The following POTEE variants were observed in gnomAD, a reference collection of about 807,000 sequenced individuals.
POTEE encodes the protein POTE ankyrin domain family member E.
In POTEE, 21 loss-of-function variants were observed where a neutral mutation model predicts 74.2. The observed-to-expected ratio is 0.28, with a 90% CI of 0.20 to 0.41. The LOEUF is 0.41. POTEE is among the 10% of genes least tolerant of loss of function. POTEE has a pLI of 1.00. For synonymous variants in POTEE, 211 were observed against 432.8 expected (o/e 0.49, Z 6.36); for missense variants, 525 against 1,158.6 (o/e 0.45, Z 7.94).
rs541531807 is a variant in POTEE, at chr2:131,209,682, C to T, written c.-482C>T. Among the ~76,000 whole-genome samples, 8 of 152,138 alleles carry T rather than the reference C, an allele frequency of 5.3e-5. No individual in the cohort carries two copies. Among genetic ancestry groups the T allele is most frequent in the Non-Finnish European group, 1.0e-4 (7 of 68,052 alleles). The stretch of plus-strand genomic sequence containing the variant: ...AGTAGCGGGAGCTTCTCCTGCCAGG[C>T]AGGAAGACGAGTAGAAGGGAGCAGC... On this transcript the variant is annotated 5_prime_UTR_variant, in exon 1 of 18. Transcript: ENST00000683005.
In POTEE at chr2:131,248,928, C is replaced by G. The variant is rs1573731689; in HGVS notation, c.1481-1850C>G. Among the ~76,000 whole-genome samples, 5 of 152,392 alleles carry G rather than the reference C, an allele frequency of 3.3e-5. No homozygotes were observed. In the Middle Eastern group the frequency reaches 0.014, roughly 415 times the overall value. Reference sequence around the variant, plus strand: ...CAAAATGTGCTTTGTGTTTTTCCCTCTTGCCGCCTGCAGCCAATCAGAATC... The same window carrying G: ...CAAAATGTGCTTTGTGTTTTTCCCTGTTGCCGCCTGCAGCCAATCAGAATC... On this transcript the variant is annotated intron_variant, in intron 13 of 17. Transcript: ENST00000683005.
At chr2:131,233,762 C>T (rs61525070) in intron 9 of POTEE, among the ~76,000 whole-genome samples, 3 of 146,992 alleles carry the variant, frequency 2.0e-5, no homozygotes, top group African/African-American at 8.1e-5. Flanking sequence ...GGCAGAAGAG[C>T]GGTATCGTCA....
chr2:131,228,541 A>T (rs1216213712), intron 8 of POTEE, among the ~76,000 whole-genome samples, 160 bp downstream of exon 8: 5 of 149,082 alleles, frequency 3.4e-5, no homozygotes, highest in Non-Finnish European at 7.4e-5. Flanking sequence ...TCAGACAAAA[A>T]GCAAGACAAG....
At chr2:131,263,198 CT>C (rs1407061505) in intron 17 of POTEE, among the ~76,000 whole-genome samples, 156 bp from the exon 18 acceptor site, 1 of 149,522 alleles carries the variant, frequency 6.7e-6, no homozygotes, top group Non-Finnish European at 1.5e-5. Context: ...AATTTACACT[CT>C]TATTAGGTTT....
intron 3 of POTEE, chr2:131,217,958 G>A (rs1387960213): frequency 3.8e-6 from 1 of 264,602 alleles, no homozygotes; most frequent in Non-Finnish European, 7.3e-6. Flanking sequence ...TAACGGCTTG[G>A]CTGGCCTGTA....
chr2:131,235,999 G>T (rs1475513773), intron 9 of POTEE, among the ~76,000 whole-genome samples: 3 of 151,952 alleles, frequency 2.0e-5, no homozygotes, highest in Non-Finnish European at 4.4e-5. Flanking sequence ...ATTTAGGTTC[G>T]CAACAGCTCA....
chr2:131,263,651 T>C lies in POTEE; in HGVS notation c.2196T>C (p.Pro732=), dbSNP rs1174660926. 6.3e-7 allele frequency: 1 copy of C among 1,587,300 alleles called. No individual in the cohort carries two copies. The highest frequency in any genetic ancestry group is 2.3e-5 in the East Asian group (1 of 43,694). ...ACGATGCCCCCCGGGCTGTCTTCCC[T>C]TCCATCGTGGGGCGCCCCAGGCAGC... ...AGDDAPRAVF[P]SIVGRPRQQG... The change falls in exon 18 of 18, where the codon CCT becomes CCC. Residue 732 remains proline, a synonymous_variant. Transcript: ENST00000683005.
Position 131,263,841 on chromosome 2 carries a change from G to A in POTEE, c.2386G>A (p.Val796Met), listed in dbSNP as rs1341875258. Residue 796 changes from valine (V) to methionine (M), a missense_variant, in exon 18 of 18, where the codon GTG (valine) becomes ATG (methionine). By Grantham distance (21) the Val-to-Met change is conservative. Transcript: ENST00000683005. ...CCACACCTTCTACAACGAGCTGCGT[G>A]TGGCTCCCGAGGAGCACCCCATCCT... ...WHHTFYNELR[V>M]APEEHPILLT... The A allele has an allele frequency of 1.2e-6, 2 of 1,614,164 alleles. No individual in the cohort carries two copies. The highest frequency in any genetic ancestry group is 1.7e-5 in the Admixed American group (1 of 60,034).
intron 9 of POTEE, among the ~76,000 whole-genome samples, chr2:131,232,739 CT>C (rs1032915530): frequency 1.5e-4 from 23 of 151,590 alleles, no homozygotes; most frequent in African/African-American, 5.6e-4. Context: ...TAGGATCCCA[CT>C]TTTCCCTCTT....
intron 8 of POTEE, chr2:131,229,539 T>C (rs1700883623): frequency 6.6e-6 from 1 of 152,196 alleles, no homozygotes; most frequent in Non-Finnish European, 1.5e-5. Flanking sequence ...TCAAGTAGGT[T>C]AGTTGGACTT....
chr2:131,231,988 T>TC (rs1216772985), intron 9 of POTEE, among the ~76,000 whole-genome samples: 1 of 152,160 alleles, frequency 6.6e-6, no homozygotes, highest in Non-Finnish European at 1.5e-5. Context: ...TAGAGCTGTC[T>TC]CCATTTCATT....
chr2:131,217,120 G>A (rs1309740651), intron 2 of POTEE, among the ~76,000 whole-genome samples: 1 of 147,956 alleles, frequency 6.8e-6, no homozygotes, highest in Non-Finnish European at 1.5e-5. Context: ...AAAATATGTG[G>A]TATGCATAAA....
intron 9 of POTEE, among the ~76,000 whole-genome samples, chr2:131,233,087 G>A (rs539295189): frequency 9.5e-4 from 145 of 152,152 alleles, no homozygotes; most frequent in South Asian, 2.3e-3. Flanking sequence ...AAAGAATAAG[G>A]AATGGCTATT....
Position 131,226,612 on chromosome 2 carries a change from G to T in POTEE, c.811-211G>T, listed in dbSNP as rs538319345. 8.0e-5 allele frequency among the ~76,000 whole-genome samples: 12 copies of T among 150,360 alleles called. No homozygotes were observed. The East Asian group carries it at 2.1e-3, about 27-fold the overall frequency. On this transcript the variant is annotated intron_variant, in intron 6 of 17. Transcript: ENST00000683005. The stretch of plus-strand genomic sequence containing the variant: ...AATGTTTAAAGTGAGTTTTTGAGAT[G>T]ATTAGAGTTACTGTGGTGAGGCAGA...
At chr2:131,255,028 A>G (rs1239472960) in intron 16 of POTEE, among the ~76,000 whole-genome samples, 1 of 151,048 alleles carries the variant, frequency 6.6e-6, no homozygotes, top group African/African-American at 2.4e-5. Context: ...TCTAAATGCC[A>G]TATGTGTATA....
At chr2:131,215,329 C>A (rs182356601) in intron 2 of POTEE, among the ~76,000 whole-genome samples, 24 of 152,102 alleles carry the variant, frequency 1.6e-4, no homozygotes, top group Non-Finnish European at 2.5e-4. Flanking sequence ...ATATACAATG[C>A]AATTAGGATT....
intron 6 of POTEE, among the ~76,000 whole-genome samples, chr2:131,225,691 T>TTG (rs1553475815): frequency 4.7e-5 from 7 of 148,736 alleles, no homozygotes; most frequent in African/African-American, 1.7e-4. Context: ...CCTCAGTTTT[T>TTG]TTTTTTTTTT....
At chr2:131,215,307 G>T (rs1700424955) in intron 2 of POTEE, among the ~76,000 whole-genome samples, 1 of 152,018 alleles carries the variant, frequency 6.6e-6, no homozygotes, top group African/African-American at 2.4e-5. Flanking sequence ...AATTGCATAT[G>T]TCACTTACAG....
chr2:131,263,739 A>G lies in POTEE; in HGVS notation c.2284A>G (p.Arg762Gly). 1 of 1,611,808 alleles carries G rather than the reference A, an allele frequency of 6.2e-7. No individual in the cohort carries two copies. The highest frequency in any genetic ancestry group is 1.7e-5 in the Admixed American group (1 of 59,956). ...SYVGKEAQSK[R>G]GILTLKYPME... ...TGTGGGCAAGGAGGCCCAGAGCAAG[A>G]GAGGCATCCTGACCCTGAAGTACCC... The change falls in exon 18 of 18, where the codon AGA becomes GGA. Residue 762 changes from arginine to glycine, a missense_variant. Transcript: ENST00000683005.
Sources: gnomAD v4.1 joint callset for allele counts (sites outside exome capture counted in the v4.1 genomes callset) on GRCh38, gnomAD v4.1.1 for gene constraint, MANE v1.5 for transcripts, NCBI Gene and HGNC (gene_info 2026-07-23, HGNC 2026-07-21) for gene names.